Variants in EMILIN1 observed in about 807,000 individuals in gnomAD.
EMILIN1 encodes the protein elastin microfibril interfacer 1, also known as EMILIN-1.
EMILIN1 carries 49 observed loss-of-function variants against 82.4 expected under a neutral mutation model. The ratio of observed to expected loss-of-function variants is 0.59; its 90% CI spans 0.47 to 0.75. The LOEUF is 0.75. Ranked by LOEUF, EMILIN1 falls within the 30% of genes least tolerant of loss-of-function variation. EMILIN1 has a pLI of 0.00. For missense variants in EMILIN1, 1,313 were observed against 1,366.4 expected, an observed-to-expected ratio of 0.96 and a Z score of 0.62; for synonymous variants, 604 against 602.2, an observed-to-expected ratio of 1.00 and a Z score of -0.04.
At chr2:27,081,177 G>C (rs985402028) in intron 3 of EMILIN1, among the ~76,000 whole-genome samples, 1 of 151,932 alleles carries the variant, frequency 6.6e-6, no homozygotes, top group Non-Finnish European at 1.5e-5. Context: ...GAGAGAGGGA[G>C]AGAGCACGCA....
chr2:27,083,546 G>A lies in EMILIN1; in HGVS notation c.1975G>A (p.Asp659Asn), dbSNP rs748137973. The change falls in exon 4 of 8, where the codon GAC becomes AAC. Residue 659 changes from aspartate to asparagine, a missense_variant. Coordinates refer to ENST00000380320, the MANE Select transcript of EMILIN1 (RefSeq NM_007046.4). ...TATTCTCAGCTTCAGCTCCCTCAAT[G>A]ACTCACTGAATGAGCTCCAGACCAC... ...EVILSFSSLN[D>N]SLNELQTTVE... 2 of 1,614,124 alleles carry A rather than the reference G, an allele frequency of 1.2e-6. No homozygotes were observed. The highest frequency in any genetic ancestry group is 1.3e-5 in the African/African-American group (1 of 75,070).
intron 7 of EMILIN1, 140 bp downstream of exon 7, chr2:27,085,437 C>A: frequency 9.1e-7 from 1 of 1,103,826 alleles, no homozygotes. Flanking sequence ...TTCATTTATT[C>A]ATTCTCAGGC....
At chr2:27,081,840 A>G (rs1466936993) in intron 3 of EMILIN1, among the ~76,000 whole-genome samples, 1 of 152,256 alleles carries the variant, frequency 6.6e-6, no homozygotes, top group Non-Finnish European at 1.5e-5. Flanking sequence ...CCAGTTTCCC[A>G]GCCTATATGA....
Position 27,082,460 on chromosome 2 carries a change from C to A in EMILIN1, c.889C>A (p.Arg297=), listed in dbSNP as rs767567748. 1.9e-6 allele frequency: 3 copies of A among 1,569,228 alleles called. No homozygotes were observed. The highest frequency in any genetic ancestry group is 3.7e-5 in the Admixed American group (2 of 53,456). ...GGAGCTGCTGCGGCAGCTGGAGCAG[C>A]GGTTGCAGGAGTCCTGCTCCGTGTG... ...SEELLRQLEQ[R]LQESCSVCLA... Residue 297 remains arginine (R), a synonymous_variant, in exon 4 of 8, where the codon CGG becomes AGG. Coordinates refer to ENST00000380320, the MANE Select transcript of EMILIN1 (RefSeq NM_007046.4).
At chr2:27,084,381 A>G in intron 4 of EMILIN1, 34 bp from the exon 5 acceptor site, 10 of 1,320,504 alleles carry the variant, frequency 7.6e-6, no homozygotes, top group Non-Finnish European at 1.1e-5. Flanking sequence ...AACTCCTTTT[A>G]TGGCCCTCCT....
chr2:27,081,108 CGTGTGTGTGTGTGTGT>C (rs56048649), intron 3 of EMILIN1, among the ~76,000 whole-genome samples, 156 bp downstream of exon 3: 3 of 142,550 alleles, frequency 2.1e-5, no homozygotes, highest in African/African-American at 7.9e-5. Flanking sequence ...ATTCCCTGCC[CGTGTGTGTGTGTGTGT>C]GTGTGTGTGT....
At position 27,083,887 on chromosome 2, in the gene EMILIN1, G is replaced by A. The variant is rs1393804121; in HGVS notation, c.2316G>A (p.Gln772=). ...LRETNTTSQM[Q]AALLEKLVGG... The stretch of plus-strand genomic sequence containing the variant: ...AAACCAACACCACCAGCCAGATGCA[G>A]GCAGCCCTGCTGGAGAAGCTGGTCG... Residue 772 remains glutamine (Q), a synonymous_variant, in exon 4 of 8, where the codon CAG becomes CAA. Transcript: ENST00000380320. 3 of 1,609,416 alleles carry A rather than the reference G, an allele frequency of 1.9e-6. No individual in the cohort carries two copies. Among genetic ancestry groups the A allele is most frequent in the Non-Finnish European group, 2.5e-6 (3 of 1,176,860 alleles).
At chr2:27,084,594 C>G in intron 5 of EMILIN1, 63 bp downstream of exon 5, 1 of 951,554 alleles carries the variant, frequency 1.1e-6, no homozygotes, top group Non-Finnish European at 1.7e-6. Context: ...CCCTGACCCC[C>G]GCTGGCAGCC....
At chr2:27,079,839 G>A (rs1036517070) in intron 1 of EMILIN1, among the ~76,000 whole-genome samples, 3 of 152,218 alleles carry the variant, frequency 2.0e-5, no homozygotes, top group African/African-American at 4.8e-5. Context: ...TCTGGGGACT[G>A]AGACAGGCCC....
chr2:27,086,027 GC>G lies in EMILIN1; in HGVS notation c.*15del, dbSNP rs1049336430. ...TTGAACACGCGTAGACTGGGGTCCC[GC>G]CCGACGTGTCTACGTCGGCTGAAGA... On this transcript the variant is annotated 3_prime_UTR_variant, in exon 8 of 8. Transcript: ENST00000380320. 14 of 1,426,026 alleles carry G rather than the reference GC, an allele frequency of 9.8e-6. No individual in the cohort carries two copies. Among genetic ancestry groups the G allele is most frequent in the African/African-American group, 2.9e-5 (2 of 69,336 alleles). The allele number at this position is 1,426,026 out of a possible 1,614,324, so 88.3% of individuals were successfully genotyped here. A position where few individuals can be genotyped will look rare whatever the true frequency, so the allele number is the denominator to read the frequency against.
chr2:27,083,766 G>T lies in EMILIN1; in HGVS notation c.2195G>T (p.Gly732Val). ...GAGGGGCGATTGGGCCGTCTTGAGG[G>T]TGTCTGTGAACGGTTGGACACTGTG... ...SLEGRLGRLE[G>V]VCERLDTVAG... The change falls in exon 4 of 8, where the codon GGT becomes GTT. Residue 732 changes from glycine (G) to valine (V), a missense_variant. Physicochemically the swap from Gly to Val is moderately radical, Grantham distance 109. Coordinates refer to ENST00000380320, the MANE Select transcript of EMILIN1 (RefSeq NM_007046.4). The T allele has an allele frequency of 6.2e-7, 1 of 1,612,298 alleles. No homozygotes were observed. The highest frequency in any genetic ancestry group is 8.5e-7 in the Non-Finnish European group (1 of 1,178,586).
In EMILIN1 at chr2:27,085,013, G is replaced by T; in HGVS notation, c.2575+5G>T. 1 of 1,613,944 alleles carries T rather than the reference G, an allele frequency of 6.2e-7. No individual in the cohort carries two copies. Among genetic ancestry groups the T allele is most frequent in the Non-Finnish European group, 8.5e-7 (1 of 1,179,802 alleles). On this transcript the variant is annotated splice_donor_5th_base_variant and intron_variant, in intron 6 of 7. Transcript: ENST00000380320. Reference sequence around the variant, plus strand: ...CAGGTCCTCAAGGTGAACAGGGTGAGTGCCTTTCATTTGATTCTGGAGGGA... The same window carrying T: ...CAGGTCCTCAAGGTGAACAGGGTGATTGCCTTTCATTTGATTCTGGAGGGA...
In EMILIN1 at chr2:27,083,226, C is replaced by G; in HGVS notation, c.1655C>G (p.Thr552Arg). 6.2e-7 allele frequency: 1 copy of G among 1,611,938 alleles called. No individual in the cohort carries two copies. The highest frequency in any genetic ancestry group is 8.5e-7 in the Non-Finnish European group (1 of 1,178,830). Residue 552 changes from threonine (T) to arginine (R), a missense_variant, in exon 4 of 8, where the codon ACA becomes AGA. By Grantham distance (71) the Thr-to-Arg change is moderately conservative. Transcript: ENST00000380320. The part of the protein sequence containing the change: ...LQDRVDAQDE[T>R]AAEFTLRLNL... ...GATCGTGTGGATGCCCAGGATGAGA[C>G]AGCTGCAGAGTTCACACTACGGCTG...
In EMILIN1 at chr2:27,080,011, C is replaced by A. The variant is rs1010698032; in HGVS notation, c.171-140C>A. On this transcript the variant is annotated intron_variant, in intron 1 of 7. Coordinates refer to ENST00000380320, the MANE Select transcript of EMILIN1 (RefSeq NM_007046.4). ...AAAGCGTGGGGGATAGGGAGGGTGG[C>A]GATGCCAAAGCCCTTGCTCTCACTG... 3.4e-6 allele frequency: 3 copies of A among 872,498 alleles called. No individual in the cohort carries two copies. In the East Asian group the frequency reaches 8.0e-5, roughly 23 times the overall value. The allele number at this position is 872,498 out of a possible 1,614,324, so 54.0% of individuals were successfully genotyped here.
intron 1 of EMILIN1, 128 bp from the exon 2 acceptor site, chr2:27,080,023 C>A: frequency 9.5e-7 from 1 of 1,056,280 alleles, no homozygotes; most frequent in East Asian, 2.5e-5. Context: ...ATGCCAAAGC[C>A]CTTGCTCTCA....
chr2:27,080,797 G>A lies in EMILIN1; in HGVS notation c.356G>A (p.Arg119Lys). The A allele has an allele frequency of 1.2e-6, 2 of 1,613,826 alleles. No individual in the cohort carries two copies. Among genetic ancestry groups the A allele is most frequent in the Non-Finnish European group, 1.7e-6 (2 of 1,179,992 alleles). The change falls in exon 3 of 8, where the codon AGG (arginine) becomes AAG (lysine). Residue 119 changes from arginine to lysine, a missense_variant. Arg to Lys is a conservative substitution (Grantham distance 26). Transcript: ENST00000380320. Reference sequence around the variant, plus strand: ...AAGACAGTGACCGACATGGAGTGGAGGTGCTGTCAGGGTTATGGGGGCGAT... The same window carrying A: ...AAGACAGTGACCGACATGGAGTGGAAGTGCTGTCAGGGTTATGGGGGCGAT... Reference protein sequence around the residue: ...AYKTVTDMEWRCCQGYGGDDC... With the variant: ...AYKTVTDMEWKCCQGYGGDDC...
chr2:27,084,467 A>G lies in EMILIN1; in HGVS notation c.2493A>G (p.Pro831=). 1 of 1,613,002 alleles carries G rather than the reference A, an allele frequency of 6.2e-7. No individual in the cohort carries two copies. Among genetic ancestry groups the G allele is most frequent in the South Asian group, 1.1e-5 (1 of 91,060 alleles). Residue 831 remains proline, a synonymous_variant, in exon 5 of 8, where the codon CCA becomes CCG. Transcript: ENST00000380320. ...GGCCTCCTGGGCTGCAGGGACCCCC[A>G]GGCCCTGCTGGACCTCCAGGATCAC... The part of the protein sequence containing the change: ...PPGPPGLQGP[P]GPAGPPGSPG...
In EMILIN1 at chr2:27,083,218, G is replaced by A. The variant is rs539237417; in HGVS notation, c.1647G>A (p.Gln549=). 55 of 1,611,992 alleles carry A rather than the reference G, an allele frequency of 3.4e-5. 1 individual carries two copies. In the South Asian group the frequency reaches 5.4e-4, roughly 16 times the overall value. ...GGCTCCAGGATCGTGTGGATGCCCAGGATGAGACAGCTGCAGAGTTCACAC... is the reference window on the plus strand; with the variant it reads ...GGCTCCAGGATCGTGTGGATGCCCAAGATGAGACAGCTGCAGAGTTCACAC... ...VGRLQDRVDA[Q]DETAAEFTLR... The change falls in exon 4 of 8, where the codon CAG becomes CAA. Residue 549 remains glutamine (Q), a synonymous_variant. Coordinates refer to ENST00000380320, the MANE Select transcript of EMILIN1 (RefSeq NM_007046.4).
chr2:27,085,142 TCCAC>T lies in EMILIN1; in HGVS notation c.2576-15_2576-12del, dbSNP rs781326446. On this transcript the variant is annotated splice_polypyrimidine_tract_variant and intron_variant, in intron 6 of 7. Transcript: ENST00000380320. ...TCTGCCCTGAGCATCCCCTTTAACATCCACCCTTCCCACTCAGGAGTGGAGGGGG... is the reference window on the plus strand; with the variant it reads ...TCTGCCCTGAGCATCCCCTTTAACATCCTTCCCACTCAGGAGTGGAGGGGG... 1.9e-6 allele frequency: 3 copies of T among 1,614,036 alleles called. No individual in the cohort carries two copies. In the South Asian group the frequency reaches 3.3e-5, roughly 18 times the overall value.
Sources: allele counts gnomAD v4.1 joint callset (sites outside exome capture counted in the v4.1 genomes callset), GRCh38; gene constraint gnomAD v4.1.1; transcripts MANE v1.5; gene names NCBI Gene and HGNC (gene_info 2026-07-23, HGNC 2026-07-21).